Variants in CDH18 observed in about 807,000 individuals in gnomAD.
CDH18 encodes the protein cadherin-18.
CDH18 carries 31 observed loss-of-function variants against 67.9 expected under a neutral mutation model. The ratio of observed to expected loss-of-function variants is 0.46; its 90% CI spans 0.34 to 0.62. The LOEUF (loss-of-function observed/expected upper bound fraction) is 0.62. Among genes scored for constraint, CDH18 ranks in the 20% least tolerant of loss-of-function variants. CDH18 has a pLI of 0.01. For missense variants in CDH18, 890 were observed against 975.5 expected (o/e 0.91, Z 1.17); for synonymous variants, 362 against 347.2 (o/e 1.04, Z -0.48).
chr5:19,637,132 CTCTTTCTTTCTTTCTTTCTTTT>C, intron 5 of CDH18, among the ~76,000 whole-genome samples: 1 of 151,264 alleles, frequency 6.6e-6, no homozygotes, highest in African/African-American at 2.4e-5. Context: ...CTTTTTCTTT[CTCTTTCTTTCTTTCTTTCTTTT>C]TCTTTCTTTC....
In CDH18 at chr5:19,553,769, A is replaced by G. The variant is rs530168430; in HGVS notation, c.1254-9764T>C. On this transcript the variant is annotated intron_variant, in intron 8 of 12. Coordinates refer to ENST00000382275, the MANE Select transcript of CDH18 (RefSeq NM_004934.5). ...GATCCTCCCAACTCAGCCTCTGAAG[A>G]AGCTGGGACCATAGGTGTATGCCAC... Among the ~76,000 whole-genome samples, 4 of 151,638 alleles carry G rather than the reference A, an allele frequency of 2.6e-5. No homozygotes were observed. In the South Asian group the frequency reaches 6.2e-4, roughly 24 times the overall value.
At chr5:19,998,430 C>T (rs1285431899) in intron 2 of CDH18, among the ~76,000 whole-genome samples, 2 of 152,130 alleles carry the variant, frequency 1.3e-5, no homozygotes, top group African/African-American at 4.8e-5. Context: ...AGGGAGGGCA[C>T]TGTCAGAGGA....
intron 2 of CDH18, among the ~76,000 whole-genome samples, chr5:19,906,233 A>T (rs1790518046): frequency 6.6e-6 from 1 of 151,958 alleles, no homozygotes; most frequent in African/African-American, 2.4e-5. Context: ...ATCCATAGAC[A>T]TTAATTATGT....
chr5:20,436,524 T>G (rs1254053770), intron 1 of CDH18, among the ~76,000 whole-genome samples: 2 of 151,780 alleles, frequency 1.3e-5, no homozygotes, highest in Non-Finnish European at 2.9e-5. Flanking sequence ...ACGTGGTAGC[T>G]CCTTTATCTT....
intron 5 of CDH18, among the ~76,000 whole-genome samples, chr5:19,627,783 T>C (rs770357877): frequency 2.0e-5 from 3 of 152,156 alleles, no homozygotes; most frequent in African/African-American, 7.2e-5. Flanking sequence ...AAAAGAATCA[T>C]ATGCACAAAT....
chr5:20,551,103 A>ATT (rs1224270133), intron 1 of CDH18, among the ~76,000 whole-genome samples: 1 of 152,218 alleles, frequency 6.6e-6, no homozygotes, highest in African/African-American at 2.4e-5. Context: ...GTGCTAAAAT[A>ATT]ATAAATAGAT....
intron 2 of CDH18, among the ~76,000 whole-genome samples, chr5:20,247,759 CAA>C (rs34347567): frequency 1.0e-4 from 13 of 129,220 alleles, no homozygotes; most frequent in Non-Finnish European, 8.2e-5. Context: ...GCGAGACCAT[CAA>C]AAAAAAAAAA....
chr5:20,369,461 T>A (rs1742802305), intron 1 of CDH18, among the ~76,000 whole-genome samples: 1 of 152,226 alleles, frequency 6.6e-6, no homozygotes, highest in Non-Finnish European at 1.5e-5. Flanking sequence ...TTTGCCCTTT[T>A]CTCAGAAAAT....
chr5:20,126,858 T>A (rs1748874264), intron 2 of CDH18, among the ~76,000 whole-genome samples: 1 of 152,190 alleles, frequency 6.6e-6, no homozygotes, highest in African/African-American at 2.4e-5. Flanking sequence ...GCACTTTTGA[T>A]GAGAATGTAA....
At chr5:19,723,687 AGGGC>A (rs1766420183) in intron 4 of CDH18, among the ~76,000 whole-genome samples, 1 of 152,096 alleles carries the variant, frequency 6.6e-6, no homozygotes, top group South Asian at 2.1e-4. Flanking sequence ...TAAATTGAAT[AGGGC>A]ATTTTATTTT....
chr5:20,258,798 G>A (rs916942993), intron 1 of CDH18, among the ~76,000 whole-genome samples: 2 of 152,064 alleles, frequency 1.3e-5, no homozygotes, highest in Admixed American at 6.6e-5. Flanking sequence ...TGAAGAGGTG[G>A]CAATTGCTTG....
chr5:20,350,608 T>A (rs561430535), intron 1 of CDH18, among the ~76,000 whole-genome samples: 2 of 152,162 alleles, frequency 1.3e-5, no homozygotes, highest in Non-Finnish European at 2.9e-5. Context: ...CATGGGAATT[T>A]CTCATGCATT....
chr5:19,879,583 C>T (rs1787396609), intron 2 of CDH18, among the ~76,000 whole-genome samples: 1 of 151,788 alleles, frequency 6.6e-6, no homozygotes, highest in Non-Finnish European at 1.5e-5. Flanking sequence ...ATACCTACAG[C>T]AGTAGATATA....
chr5:19,600,114 C>G (rs1746851169), intron 6 of CDH18, among the ~76,000 whole-genome samples: 1 of 149,382 alleles, frequency 6.7e-6, no homozygotes, highest in African/African-American at 2.5e-5. Context: ...GAAAACCAAA[C>G]AGTGCATGTT....
chr5:20,521,122 A>G (rs1043542338), intron 1 of CDH18, among the ~76,000 whole-genome samples: 2 of 152,210 alleles, frequency 1.3e-5, no homozygotes, highest in Non-Finnish European at 2.9e-5. Context: ...CAGATATTAC[A>G]CCAGTACTAA....
At chr5:20,159,527 G>A (rs544257900) in intron 2 of CDH18, among the ~76,000 whole-genome samples, 16 of 152,218 alleles carry the variant, frequency 1.1e-4, no homozygotes, top group East Asian at 7.7e-4. Context: ...TCTTTTGTAC[G>A]TTTTTCTGGA....
At chr5:20,198,058 T>C (rs1243249634) in intron 2 of CDH18, among the ~76,000 whole-genome samples, 1 of 152,128 alleles carries the variant, frequency 6.6e-6, no homozygotes, top group African/African-American at 2.4e-5. Flanking sequence ...GCCACCCTGA[T>C]TGTAAGTTTC....
At chr5:19,535,028 A>G (rs951570105) in intron 9 of CDH18, among the ~76,000 whole-genome samples, 1 of 152,158 alleles carries the variant, frequency 6.6e-6, no homozygotes, top group African/African-American at 2.4e-5. Context: ...GCCCAGTCAC[A>G]TTTTGAAATA....
At chr5:19,673,752 T>C (rs1759082421) in intron 5 of CDH18, among the ~76,000 whole-genome samples, 1 of 152,022 alleles carries the variant, frequency 6.6e-6, no homozygotes, top group Non-Finnish European at 1.5e-5. Context: ...CAACATACTC[T>C]TTACAATTAT....
Sources: gnomAD v4.1 joint callset for allele counts (sites outside exome capture counted in the v4.1 genomes callset) on GRCh38, gnomAD v4.1.1 for gene constraint, MANE v1.5 for transcripts, NCBI Gene and HGNC (gene_info 2026-07-23, HGNC 2026-07-21) for gene names.